CSMD1: variants seen among roughly 807,000 people sequenced by gnomAD.
CSMD1 encodes the protein CUB and Sushi multiple domains 1, also known as CUB and sushi domain-containing protein 1.
A neutral mutation model predicts 417.5 loss-of-function variants in CSMD1; 213 were observed. That is an observed-to-expected ratio of 0.51 (90% confidence interval 0.46 to 0.57). CSMD1 has a LOEUF of 0.57. CSMD1 is among the 20% of genes least tolerant of loss of function. CSMD1 has a pLI of 0.00. For synonymous variants in CSMD1, 2,862 were observed against 1,736.8 expected, an observed-to-expected ratio of 1.65 and a Z score of -16.11; for missense variants, 6,923 against 4,529.7, an observed-to-expected ratio of 1.53 and a Z score of -15.17.
rs75784210 is a variant in CSMD1 at position 4,203,560 on chromosome 8, T to G, written c.416-171461A>C. Among the ~76,000 whole-genome samples, 582 of 152,166 alleles carry G rather than the reference T, an allele frequency of 3.8e-3. 31 individuals carry two copies. The East Asian group carries it at 0.097, about 25-fold the overall frequency. On this transcript the variant is annotated intron_variant, in intron 3 of 69. Coordinates refer to ENST00000635120, the MANE Select transcript of CSMD1 (RefSeq NM_033225.6). ...TGTTATTAAACAGCTGGGTGTGAAT[T>G]TGGAAGTCAGTGTAGCTGGGAGACT... is the stretch of plus-strand genomic sequence containing the variant.
intron 1 of CSMD1, among the ~76,000 whole-genome samples, chr8:4,716,808 A>G (rs909382173): frequency 2.0e-5 from 3 of 152,146 alleles, no homozygotes; most frequent in Non-Finnish European, 4.4e-5. Context: ...TTTCCTTGCC[A>G]TTTTCAAACA....
chr8:3,445,218 A>C (rs2117078358), intron 12 of CSMD1, among the ~76,000 whole-genome samples: 1 of 152,310 alleles, frequency 6.6e-6, no homozygotes, highest in African/African-American at 2.4e-5. Flanking sequence ...AGGAAAAGGA[A>C]GCCATTTTCA....
intron 26 of CSMD1, among the ~76,000 whole-genome samples, chr8:3,255,656 A>C (rs1410171253): frequency 1.3e-5 from 2 of 152,112 alleles, no homozygotes; most frequent in African/African-American, 2.4e-5. Flanking sequence ...TGGGCGTAGG[A>C]CCCTCTGAGC....
chr8:4,406,466 C>T (rs558551190), intron 3 of CSMD1, among the ~76,000 whole-genome samples: 61 of 152,322 alleles, frequency 4.0e-4, no homozygotes, highest in African/African-American at 1.4e-3. Flanking sequence ...ATCTACTCAT[C>T]ATCCTCTGGG....
At chr8:3,779,466 T>A (rs942292687) in intron 5 of CSMD1, among the ~76,000 whole-genome samples, 1 of 152,170 alleles carries the variant, frequency 6.6e-6, no homozygotes, top group Non-Finnish European at 1.5e-5. Flanking sequence ...TTTAGACATC[T>A]TAAAACAATC....
chr8:3,861,112 G>A (rs541511828), intron 5 of CSMD1, among the ~76,000 whole-genome samples: 18 of 152,184 alleles, frequency 1.2e-4, no homozygotes, highest in Admixed American at 2.0e-4. Context: ...AAAACAGGAC[G>A]TGGCTTTCTA....
intron 5 of CSMD1, among the ~76,000 whole-genome samples, chr8:3,898,419 G>T (rs1360892073): frequency 6.6e-6 from 1 of 152,178 alleles, no homozygotes; most frequent in Non-Finnish European, 1.5e-5. Context: ...ATTATAAAGT[G>T]TTAAAGTTTG....
chr8:3,286,186 A>G (rs1584931952), intron 25 of CSMD1, among the ~76,000 whole-genome samples: 1 of 152,190 alleles, frequency 6.6e-6, no homozygotes, highest in Non-Finnish European at 1.5e-5. Context: ...ATAGCATTCC[A>G]TGGCGTATAT....
intron 41 of CSMD1, among the ~76,000 whole-genome samples, chr8:3,123,734 A>G (rs1053506796): frequency 6.6e-6 from 1 of 152,224 alleles, no homozygotes; most frequent in African/African-American, 2.4e-5. Context: ...TTGGAAGTAT[A>G]CAAGCCTCAA....
At chr8:3,839,312 TTAA>T (rs1478803494) in intron 5 of CSMD1, among the ~76,000 whole-genome samples, 11 of 122,470 alleles carry the variant, frequency 9.0e-5, no homozygotes, top group Non-Finnish European at 1.4e-4. Flanking sequence ...ATATATACTA[TTAA>T]TATATATTAA....
intron 11 of CSMD1, among the ~76,000 whole-genome samples, chr8:3,472,963 G>A (rs1446932784): frequency 1.3e-5 from 2 of 151,900 alleles, no homozygotes; most frequent in South Asian, 4.1e-4. Flanking sequence ...CCTCTCAGCT[G>A]AACACTGATT....
intron 7 of CSMD1, among the ~76,000 whole-genome samples, chr8:3,706,188 C>T (rs559987446): frequency 7.9e-5 from 12 of 152,370 alleles, no homozygotes; most frequent in African/African-American, 2.9e-4. Flanking sequence ...GCATGCCACA[C>T]TCTGCAACAG....
chr8:4,906,429 T>A (rs1805280224), intron 1 of CSMD1, among the ~76,000 whole-genome samples: 1 of 152,236 alleles, frequency 6.6e-6, no homozygotes. Flanking sequence ...CCCAGCAACT[T>A]AAAGGACCAA....
intron 1 of CSMD1, among the ~76,000 whole-genome samples, chr8:4,821,062 G>T (rs12676416): frequency 0.063 from 9,533 of 152,004 alleles, 525 homozygotes; most frequent in East Asian, 0.24. Context: ...CAATGTGGAG[G>T]GGAAAGAGAT....
intron 2 of CSMD1, among the ~76,000 whole-genome samples, chr8:4,584,134 G>A (rs997768360): frequency 1.3e-4 from 19 of 151,994 alleles, no homozygotes; most frequent in African/African-American, 4.6e-4. Context: ...AACGTCAGAA[G>A]GAACAAACTC....
intron 5 of CSMD1, among the ~76,000 whole-genome samples, chr8:3,921,832 C>G (rs2084819716): frequency 6.6e-6 from 1 of 152,064 alleles, no homozygotes; most frequent in Admixed American, 6.6e-5. Context: ...GAGTTTTGTG[C>G]AAAGCTTAGA....
chr8:3,048,054 T>C (rs1331718382), intron 50 of CSMD1, among the ~76,000 whole-genome samples: 1 of 152,166 alleles, frequency 6.6e-6, no homozygotes, highest in Non-Finnish European at 1.5e-5. Context: ...TAACACATCA[T>C]TGCTTACAAT....
In CSMD1 at chr8:3,480,203, CA is replaced by C. The variant is rs989666899; in HGVS notation, c.1449-11380del. 8.6e-5 allele frequency among the ~76,000 whole-genome samples: 13 copies of C among 150,866 alleles called. No individual in the cohort carries two copies. The East Asian group carries it at 2.0e-3, about 23-fold the overall frequency. ...GTGAAACCCCATCTTTATTAAAATA[CA>C]AAAAAAAATTAGCTGGGTGTGGTGG... On this transcript the variant is annotated intron_variant, in intron 11 of 69. Transcript: ENST00000635120.
intron 52 of CSMD1, among the ~76,000 whole-genome samples, chr8:3,016,601 A>G (rs76406488): frequency 0.021 from 3,152 of 152,350 alleles, 101 homozygotes; most frequent in African/African-American, 0.07. Context: ...TGGTTTACCC[A>G]TTAGTATGTA....
Sources: gnomAD v4.1 joint callset for allele counts (sites outside exome capture counted in the v4.1 genomes callset) on GRCh38, gnomAD v4.1.1 for gene constraint, MANE v1.5 for transcripts, NCBI Gene and HGNC (gene_info 2026-07-23, HGNC 2026-07-21) for gene names.